The following NOC2L variants were observed in gnomAD, a reference collection of about 807,000 sequenced individuals.
NOC2L encodes the protein NOC2 like nucleolar associated transcriptional repressor.
Under a neutral mutation model 94.2 loss-of-function variants are expected in NOC2L, and 101 were observed. The observed-to-expected ratio is 1.07, with a 90% CI of 0.91 to 1.26. The LOEUF is 1.26. Ranked by LOEUF, NOC2L falls within the 50% of genes most tolerant of loss-of-function variation. The pLI, the probability that NOC2L is intolerant of heterozygous loss-of-function variation, is 0.00. For missense variants in NOC2L, 1,076 were observed against 980.1 expected (o/e 1.10, Z -1.31); for synonymous variants, 531 against 413.4 (o/e 1.28, Z -3.45).
intron 12 of NOC2L, among the ~76,000 whole-genome samples, chr1:950,395 G>A (rs1642223984): frequency 6.6e-6 from 1 of 151,690 alleles, no homozygotes; most frequent in Non-Finnish European, 1.5e-5. Flanking sequence ...GCAAATGCAT[G>A]CACACAGGTG....
Position 944,853 on chromosome 1 carries a change from G to C in NOC2L, c.2144-53C>G, listed in dbSNP as rs1301260011. ...ATTTTGCTTTATCAGGAAGAAGCCAGCCTTAGAGGTTACTCATCACTAATT... is the reference window on the plus strand; with the variant it reads ...ATTTTGCTTTATCAGGAAGAAGCCACCCTTAGAGGTTACTCATCACTAATT... On this transcript the variant is annotated intron_variant, in intron 18 of 18. Transcript: ENST00000327044. The C allele has an allele frequency of 1.1e-5, 15 of 1,373,540 alleles. No individual in the cohort carries two copies. In the East Asian group the frequency reaches 3.0e-4, roughly 28 times the overall value. The allele number at this position is 1,373,540 out of a possible 1,614,324, so 85.1% of individuals were successfully genotyped here.
rs774308660 is a variant in NOC2L at position 959,046 on chromosome 1, G to A, written c.62C>T (p.Ala21Val). 4 of 1,611,188 alleles carry A rather than the reference G, an allele frequency of 2.5e-6. No individual in the cohort carries two copies. The highest frequency in any genetic ancestry group is 2.2e-5 in the South Asian group (2 of 90,998). The change falls in exon 2 of 19, where the codon GCT becomes GTT. Residue 21 changes from alanine to valine, a missense_variant. Coordinates refer to ENST00000327044, the MANE Select transcript of NOC2L (RefSeq NM_015658.4). Reference sequence around the variant, plus strand: ...TTCGGACTCGGAGTCAAAGCCCGAAGCTAGGAACTCGTCCACCGTCAGCTC... The same window carrying A: ...TTCGGACTCGGAGTCAAAGCCCGAAACTAGGAACTCGTCCACCGTCAGCTC... ...LAELTVDEFL[A>V]SGFDSESESE...
intron 16 of NOC2L, 107 bp from the exon 17 acceptor site, chr1:945,760 T>C: frequency 7.2e-7 from 1 of 1,382,088 alleles, no homozygotes. Context: ...TGTGGCCAAT[T>C]TCTAGTCCCC....
At chr1:945,700 T>G in intron 16 of NOC2L, 47 bp from the exon 17 acceptor site, 7 of 1,613,428 alleles carry the variant, frequency 4.3e-6, no homozygotes, top group Non-Finnish European at 5.9e-6. Flanking sequence ...GGGCAGGGGC[T>G]GGCGGCCACA....
intron 16 of NOC2L, 68 bp downstream of exon 16, chr1:946,105 T>G: frequency 8.4e-7 from 1 of 1,187,644 alleles, no homozygotes; most frequent in Non-Finnish European, 1.2e-6. Flanking sequence ...TGGTCTCAAG[T>G]CATAGTGCGC....
chr1:950,051 G>A (rs1447813023), intron 12 of NOC2L, among the ~76,000 whole-genome samples: 4 of 152,232 alleles, frequency 2.6e-5, no homozygotes, highest in East Asian at 1.9e-4. Context: ...CTACCTGAGT[G>A]GCATGTGCAC....
Position 957,249 on chromosome 1 carries a change from C to A in NOC2L, c.204G>T (p.Glu68Asp). ...TCAGCCGAGAGAGCTGGTCTTTGTG[C>A]TCAGAGGCACGGCCTTTACGCCGGC... is the stretch of plus-strand genomic sequence containing the variant. Reference protein sequence around the residue: ...SASRRKGRASEHKDQLSRLKD... With the variant: ...SASRRKGRASDHKDQLSRLKD... The change falls in exon 3 of 19, where the codon GAG (glutamate) becomes GAT (aspartate). Residue 68 changes from glutamate to aspartate, a missense_variant. Glu to Asp is a conservative substitution (Grantham distance 45, BLOSUM62 2). Transcript: ENST00000327044. The A allele has an allele frequency of 1.2e-6, 2 of 1,613,826 alleles. No individual in the cohort carries two copies. The highest frequency in any genetic ancestry group is 8.5e-7 in the Non-Finnish European group (1 of 1,180,030).
In NOC2L at chr1:944,456, C is replaced by G; in HGVS notation, c.*238G>C. ...GTCTGCTGACGTCAGGGTCAGCTCC[C>G]CCGCGGAGCTGACTTCAGCAGCCCA... On this transcript the variant is annotated 3_prime_UTR_variant, in exon 19 of 19. Coordinates refer to ENST00000327044, the MANE Select transcript of NOC2L (RefSeq NM_015658.4). 1 of 841,226 alleles carries G rather than the reference C, an allele frequency of 1.2e-6. No homozygotes were observed. Among genetic ancestry groups the G allele is most frequent in the Non-Finnish European group, 1.7e-6 (1 of 582,316 alleles). 52.1% of individuals were successfully genotyped at this position (841,226 alleles called of 1,614,324 possible).
At position 955,525 on chromosome 1, in the gene NOC2L, C is replaced by T. The variant is rs183859868; in HGVS notation, c.698+398G>A. The stretch of plus-strand genomic sequence containing the variant: ...CAGGTTCTCAGCATTGATGAGGCCC[C>T]TGTCTACAGACACACACAGCTCCAG... On this transcript the variant is annotated intron_variant, in intron 6 of 18. Coordinates refer to ENST00000327044, the MANE Select transcript of NOC2L (RefSeq NM_015658.4). Among the ~76,000 whole-genome samples, 11 of 152,346 alleles carry T rather than the reference C, an allele frequency of 7.2e-5. No individual in the cohort carries two copies. In the East Asian group the frequency reaches 1.7e-3, roughly 24 times the overall value.
chr1:958,778 T>C (rs775446050), intron 2 of NOC2L, 151 bp downstream of exon 2: 2 of 801,280 alleles, frequency 2.5e-6, no homozygotes, highest in South Asian at 1.4e-5. Flanking sequence ...TCAGTAAACA[T>C]CGGATGAAAG....
In NOC2L at chr1:945,676, G is replaced by T. The variant is rs1201597038; in HGVS notation, c.1918-23C>A. The T allele has an allele frequency of 1.9e-6, 3 of 1,614,098 alleles. No homozygotes were observed. The Admixed American group carries it at 5.0e-5, about 27-fold the overall frequency. ...CAGCTGGAAGGCCAAAGAACCAGGGGCTCAGGTGAGAGAGGGCAGGGGCTG... is the reference window on the plus strand; with the variant it reads ...CAGCTGGAAGGCCAAAGAACCAGGGTCTCAGGTGAGAGAGGGCAGGGGCTG... On this transcript the variant is annotated intron_variant, in intron 16 of 18. Transcript: ENST00000327044.
chr1:953,425 A>G, intron 8 of NOC2L, 137 bp from the exon 9 acceptor site: 1 of 632,810 alleles, frequency 1.6e-6, no homozygotes, highest in Non-Finnish European at 2.9e-6. Context: ...GGGAGCCGTG[A>G]GTTAGGTGCT....
At chr1:946,033 C>T (rs540588505) in intron 16 of NOC2L, 140 bp downstream of exon 16, 3 of 671,646 alleles carry the variant, frequency 4.5e-6, no homozygotes, top group South Asian at 3.7e-5. Flanking sequence ...CCTACCCCCT[C>T]TCCAAGTCGA....
In NOC2L at chr1:948,212, C is replaced by T. The variant is rs760113349; in HGVS notation, c.1578G>A (p.Leu526=). ...GCAGGTACTCCAGGGTGAGGTCGTA[C>T]AGCTGCTCCACCAGGCCGTCCTGAA... ...KAYRDGLVEQ[L]YDLTLEYLHS... Residue 526 remains leucine, a synonymous_variant, in exon 14 of 19, where the codon CTG becomes CTA. Coordinates refer to ENST00000327044, the MANE Select transcript of NOC2L (RefSeq NM_015658.4). 1.9e-6 allele frequency: 3 copies of T among 1,584,940 alleles called. No homozygotes were observed. The African/African-American group carries it at 4.0e-5, about 21-fold the overall frequency.
At position 952,487 on chromosome 1, in the gene NOC2L, C is replaced by T; in HGVS notation, c.1116G>A (p.Val372=). ...LTELLALEPG[V]AYQHAFLYIR... is the part of the protein sequence containing the mutation. ...TGTAGAGGAAGGCGTGCTGGTAGGC[C>T]ACACCCGGCTCCAGGGCCAGCAGCT... The change falls in exon 10 of 19, where the codon GTG becomes GTA. Residue 372 remains valine (V), a synonymous_variant. Coordinates refer to ENST00000327044, the MANE Select transcript of NOC2L (RefSeq NM_015658.4). The T allele has an allele frequency of 1.9e-6, 3 of 1,613,808 alleles. No individual in the cohort carries two copies. Among genetic ancestry groups the T allele is most frequent in the Non-Finnish European group, 2.5e-6 (3 of 1,179,984 alleles).
intron 12 of NOC2L, among the ~76,000 whole-genome samples, chr1:950,548 C>T (rs868757628): frequency 2.0e-4 from 31 of 152,124 alleles, no homozygotes; most frequent in African/African-American, 7.5e-4. Flanking sequence ...CAAAGGTACA[C>T]ACATGCATAC....
In NOC2L at chr1:956,298, A is replaced by G. The variant is rs559015450; in HGVS notation, c.487-83T>C. On this transcript the variant is annotated intron_variant, in intron 4 of 18. Transcript: ENST00000327044. ...GGAAACGGCAGCCCCAGAGAAAGGC[A>G]CCCTCACCCTCACCCTCAGACATAG... is the stretch of plus-strand genomic sequence containing the variant. The G allele has an allele frequency of 5.4e-6, 8 of 1,477,202 alleles. No homozygotes were observed. In the South Asian group the frequency reaches 7.0e-5, roughly 13 times the overall value. The allele number at this position is 1,477,202 out of a possible 1,614,324, so 91.5% of individuals were successfully genotyped here. A position where few individuals can be genotyped will look rare whatever the true frequency, so the allele number is the denominator to read the frequency against.
Position 955,930 on chromosome 1 carries a change from T to C in NOC2L, c.691A>G (p.Ser231Gly). 1 of 1,576,884 alleles carries C rather than the reference T, an allele frequency of 6.3e-7. No homozygotes were observed. The highest frequency in any genetic ancestry group is 8.7e-7 in the Non-Finnish European group (1 of 1,152,802). Reference protein sequence around the residue: ...KLLFGKVAKDSSRMLQPSSSP... With the variant: ...KLLFGKVAKDGSRMLQPSSSP... Reference sequence around the variant, plus strand: ...CACCCCCTCCCCTCTTACCTGCTGCTATCCTTTGCCACCTTTCCAAACAGC... The same window carrying C: ...CACCCCCTCCCCTCTTACCTGCTGCCATCCTTTGCCACCTTTCCAAACAGC... Residue 231 changes from serine to glycine, a missense_variant, in exon 6 of 19, where the codon AGC becomes GGC. Physicochemically the swap from Ser to Gly is moderately conservative, Grantham distance 56 (BLOSUM62 0). This residue lies in a region of NOC2L where 457 missense variants were observed against 386.0 expected (regional missense o/e 1.18). Coordinates refer to ENST00000327044, the MANE Select transcript of NOC2L (RefSeq NM_015658.4).
rs1242249584 is a variant in NOC2L at position 949,970 on chromosome 1, T to G, written c.1443+1157A>C. On this transcript the variant is annotated intron_variant, in intron 12 of 18. Coordinates refer to ENST00000327044, the MANE Select transcript of NOC2L (RefSeq NM_015658.4). ...AGATAAACAGGGTGGAGATCGTGAA[T>G]TCCTAAATTTACAGCGGGGTGGGGC... is the stretch of plus-strand genomic sequence containing the variant. Among the ~76,000 whole-genome samples, 3 of 152,138 alleles carry G rather than the reference T, an allele frequency of 2.0e-5. No homozygotes were observed. In the East Asian group the frequency reaches 5.8e-4, roughly 29 times the overall value.
Sources: gnomAD v4.1 joint callset for allele counts (sites outside exome capture counted in the v4.1 genomes callset) on GRCh38, gnomAD v4.1.1 for gene constraint, gnomAD v4.1.1 regional missense constraint, MANE v1.5 for transcripts, NCBI Gene and HGNC (gene_info 2026-07-23, HGNC 2026-07-21) for gene names.